Variants in ANXA10 observed in about 807,000 individuals in gnomAD.
ANXA10 encodes annexin A10.
ANXA10 carries 49 observed loss-of-function variants against 53.5 expected under a neutral mutation model. The observed-to-expected ratio is 0.92, with a 90% CI of 0.73 to 1.16. ANXA10 has a LOEUF of 1.16. Among genes scored for constraint, ANXA10 ranks in the 50% most tolerant of loss-of-function variants. ANXA10 has a pLI of 0.00. For missense variants in ANXA10, 393 were observed against 394.4 expected, an observed-to-expected ratio of 1.00 and a Z score of 0.03; for synonymous variants, 131 against 128.9, an observed-to-expected ratio of 1.02 and a Z score of -0.11.
intron 3 of ANXA10, among the ~76,000 whole-genome samples, chr4:168,146,993 C>T (rs770736515): frequency 2.6e-5 from 4 of 152,192 alleles, no homozygotes; most frequent in Non-Finnish European, 4.4e-5. Flanking sequence ...CTGGTTTCAG[C>T]TTATCTGAAT....
At chr4:168,164,354 C>A in intron 5 of ANXA10, 66 bp downstream of exon 5, 1 of 1,160,384 alleles carries the variant, frequency 8.6e-7, no homozygotes, top group Non-Finnish European at 1.2e-6. Context: ...ATTAAATATT[C>A]CAGTTTATGT....
At chr4:168,144,178 T>C (rs1731370920) in intron 3 of ANXA10, among the ~76,000 whole-genome samples, 1 of 151,708 alleles carries the variant, frequency 6.6e-6, no homozygotes, top group South Asian at 2.1e-4. Flanking sequence ...AAGATTGTTG[T>C]TCTTTTTTTT....
At chr4:168,113,468 G>A (rs1730843783) in intron 1 of ANXA10, 1 of 152,342 alleles carries the variant, frequency 6.6e-6, no homozygotes, top group Admixed American at 6.5e-5. Flanking sequence ...ACTTGGTCTG[G>A]TGAGAGTCCA....
chr4:168,139,469 ATAT>A lies in ANXA10; in HGVS notation c.101-12_101-10del. 1 of 1,606,666 alleles carries A rather than the reference ATAT, an allele frequency of 6.2e-7. No homozygotes were observed. The highest frequency in any genetic ancestry group is 8.5e-7 in the Non-Finnish European group (1 of 1,174,188). ...AAGTAGCAACTTTACTAATCTTCAA[ATAT>A]TATTCTTTTCCAGACTGTGACAAAG... On this transcript the variant is annotated splice_polypyrimidine_tract_variant and intron_variant, in intron 2 of 11. Coordinates refer to ENST00000359299, the MANE Select transcript of ANXA10 (RefSeq NM_007193.5).
intron 1 of ANXA10, among the ~76,000 whole-genome samples, chr4:168,096,478 C>G (rs1730541868): frequency 6.6e-6 from 1 of 152,032 alleles, no homozygotes; most frequent in South Asian, 2.1e-4. Context: ...TTTCCTTGAA[C>G]TGGCATGCAT....
At chr4:168,096,926 A>ATGTATATATATATATATATATATG (rs1553995913) in intron 1 of ANXA10, among the ~76,000 whole-genome samples, 2 of 129,902 alleles carry the variant, frequency 1.5e-5, no homozygotes, top group African/African-American at 6.0e-5. Flanking sequence ...ATATATATAT[A>ATGTATATATATATATATATATATG]TATGTATGTA....
intron 3 of ANXA10, among the ~76,000 whole-genome samples, chr4:168,156,149 T>C (rs1213834797): frequency 3.4e-4 from 5 of 14,828 alleles, no homozygotes; most frequent in Non-Finnish European, 4.1e-4. Context: ...ATAAAAATAA[T>C]ATATATTATA....
intron 3 of ANXA10, among the ~76,000 whole-genome samples, chr4:168,153,134 C>T (rs886599801): frequency 6.6e-6 from 1 of 152,088 alleles, no homozygotes; most frequent in Non-Finnish European, 1.5e-5. Flanking sequence ...TGTGCCCAGC[C>T]AGAGGCTATT....
intron 3 of ANXA10, among the ~76,000 whole-genome samples, chr4:168,142,812 A>G (rs1467039726): frequency 6.6e-6 from 1 of 152,056 alleles, no homozygotes; most frequent in Non-Finnish European, 1.5e-5. Flanking sequence ...TGTCATGCTC[A>G]CCCTCTACTC....
chr4:168,156,341 T>A (rs796379919), intron 3 of ANXA10, among the ~76,000 whole-genome samples: 1 of 117,022 alleles, frequency 8.5e-6, no homozygotes, highest in African/African-American at 3.2e-5. Flanking sequence ...TTATATAGTA[T>A]ATATGTTATA....
At chr4:168,140,242 G>C (rs1361800518) in intron 3 of ANXA10, among the ~76,000 whole-genome samples, 1 of 152,164 alleles carries the variant, frequency 6.6e-6, no homozygotes, top group Non-Finnish European at 1.5e-5. Flanking sequence ...AAAAGTGCCT[G>C]AAACAACAAT....
chr4:168,172,746 G>A (rs912623255), intron 6 of ANXA10, among the ~76,000 whole-genome samples: 3 of 151,792 alleles, frequency 2.0e-5, no homozygotes, highest in Non-Finnish European at 4.4e-5. Flanking sequence ...AGAGTAACAG[G>A]GAGAAGCATT....
At chr4:168,117,852 C>T (rs1201104107) in intron 1 of ANXA10, among the ~76,000 whole-genome samples, 4 of 152,294 alleles carry the variant, frequency 2.6e-5, no homozygotes, top group Middle Eastern at 3.4e-3. Context: ...CACAAGGTGG[C>T]AACTGACCTT....
At chr4:168,093,920 G>T (rs1730502144) in intron 1 of ANXA10, among the ~76,000 whole-genome samples, 3 of 152,124 alleles carry the variant, frequency 2.0e-5, no homozygotes, top group African/African-American at 7.2e-5. Context: ...TCATTTTGCA[G>T]TTGAAAGTTA....
intron 3 of ANXA10, among the ~76,000 whole-genome samples, chr4:168,156,288 T>TTATATTATATATAATAGTA (rs1560784670): frequency 5.9e-4 from 11 of 18,642 alleles, no homozygotes; most frequent in Non-Finnish European, 1.1e-3. Context: ...ATAGTATATA[T>TTATATTATATATAATAGTA]TATATTATAT....
At chr4:168,146,523 T>G (rs1028343930) in intron 3 of ANXA10, among the ~76,000 whole-genome samples, 1 of 152,204 alleles carries the variant, frequency 6.6e-6, no homozygotes, top group Non-Finnish European at 1.5e-5. Context: ...CAAGCGGTGG[T>G]AACCTTGGCG....
chr4:168,129,008 C>T (rs1472167488), intron 2 of ANXA10, among the ~76,000 whole-genome samples: 1 of 151,766 alleles, frequency 6.6e-6, no homozygotes, highest in Non-Finnish European at 1.5e-5. Context: ...CATATAGTTT[C>T]CTACAATAAA....
intron 2 of ANXA10, among the ~76,000 whole-genome samples, chr4:168,128,688 G>C (rs1472643717): frequency 3.9e-5 from 6 of 151,946 alleles, no homozygotes; most frequent in Non-Finnish European, 8.8e-5. Flanking sequence ...GTTCAGATGA[G>C]CCTTCCTCTC....
At chr4:168,113,931 G>T (rs1730849949) in intron 1 of ANXA10, among the ~76,000 whole-genome samples, 1 of 152,006 alleles carries the variant, frequency 6.6e-6, no homozygotes, top group African/African-American at 2.4e-5. Context: ...TTTACCTTTT[G>T]CCTTTCCTTT....
Sources: gnomAD v4.1 joint callset for allele counts (sites outside exome capture counted in the v4.1 genomes callset) on GRCh38, gnomAD v4.1.1 for gene constraint, MANE v1.5 for transcripts, NCBI Gene and HGNC (gene_info 2026-07-23, HGNC 2026-07-21) for gene names.